The following RHOBTB3 variants were observed in gnomAD, a reference collection of about 807,000 sequenced individuals.
RHOBTB3 encodes the protein Rho related BTB domain containing 3.
Under a neutral mutation model 67.2 loss-of-function variants are expected in RHOBTB3, and 47 were observed. That is an observed-to-expected ratio of 0.70 (90% CI 0.55 to 0.89). The LOEUF (loss-of-function observed/expected upper bound fraction) is 0.89, where lower values mean the gene tolerates loss of function less well. RHOBTB3 is among the 40% of genes least tolerant of loss of function. RHOBTB3 has a pLI of 0.00. For synonymous variants in RHOBTB3, 273 were observed against 274.2 expected (o/e 1.00, Z 0.04); for missense variants, 631 against 750.0 (o/e 0.84, Z 1.85).
intron 7 of RHOBTB3, among the ~76,000 whole-genome samples, chr5:95,765,023 G>A (rs1217774116): frequency 6.6e-6 from 1 of 152,136 alleles, no homozygotes; most frequent in Non-Finnish European, 1.5e-5. Context: ...TTTCAAAACA[G>A]TTCATCTAGT....
At chr5:95,753,004 C>T (rs543794874) in intron 5 of RHOBTB3, among the ~76,000 whole-genome samples, 78 of 152,128 alleles carry the variant, frequency 5.1e-4, no homozygotes, top group South Asian at 3.7e-3. Flanking sequence ...AGGTGGCAGG[C>T]GCCTGTAGTC....
intron 3 of RHOBTB3, among the ~76,000 whole-genome samples, chr5:95,737,337 T>C (rs536241103): frequency 1.3e-5 from 2 of 152,332 alleles, no homozygotes; most frequent in East Asian, 3.9e-4. Context: ...TCAGCAATTG[T>C]ATTATTTTGA....
At chr5:95,743,105 C>T (rs1456072180) in intron 3 of RHOBTB3, among the ~76,000 whole-genome samples, 1 of 151,954 alleles carries the variant, frequency 6.6e-6, no homozygotes, top group Admixed American at 6.5e-5. Flanking sequence ...ATAAAAAAAA[C>T]TCTCAGGATA....
intron 1 of RHOBTB3, among the ~76,000 whole-genome samples, chr5:95,725,679 A>ACT (rs1755032792): frequency 6.6e-6 from 1 of 152,226 alleles, no homozygotes; most frequent in Admixed American, 6.5e-5. Flanking sequence ...AAAATTTACT[A>ACT]CTTGTATAAC....
intron 6 of RHOBTB3, among the ~76,000 whole-genome samples, chr5:95,757,195 A>G (rs1439540058): frequency 6.6e-6 from 1 of 152,184 alleles, no homozygotes; most frequent in Admixed American, 6.5e-5. Context: ...AGTAGCAACT[A>G]TATTTTAAAG....
upstream of RHOBTB3, among the ~76,000 whole-genome samples, chr5:95,726,224 GT>G (rs1222569224): frequency 6.6e-6 from 1 of 152,110 alleles, no homozygotes; most frequent in Non-Finnish European, 1.5e-5. Flanking sequence ...GAATGCAGTT[GT>G]TTTTTTCCAT....
intron 5 of RHOBTB3, among the ~76,000 whole-genome samples, chr5:95,752,719 G>A (rs1745124556): frequency 6.6e-6 from 1 of 152,112 alleles, no homozygotes; most frequent in Non-Finnish European, 1.5e-5. Flanking sequence ...TTGGGACATG[G>A]GTTAAATTTT....
chr5:95,769,671 A>G (rs772517671), intron 8 of RHOBTB3: 31 of 168,226 alleles, frequency 1.8e-4, no homozygotes, highest in Non-Finnish European at 3.3e-4. Context: ...AAATTTTTGC[A>G]TATCTTATTA....
intron 2 of RHOBTB3, among the ~76,000 whole-genome samples, chr5:95,733,357 C>G (rs1256155879): frequency 6.6e-6 from 1 of 152,120 alleles, no homozygotes; most frequent in Admixed American, 6.5e-5. Flanking sequence ...ATCTTACAGC[C>G]TAAAAACATG....
intron 11 of RHOBTB3, chr5:95,789,797 A>C (rs199561092): frequency 9.3e-4 from 141 of 152,302 alleles, no homozygotes; most frequent in African/African-American, 3.3e-3. Flanking sequence ...TATCTGTTTC[A>C]TATCTTGAGT....
Position 95,769,376 on chromosome 5 carries a change from G to T in RHOBTB3, c.1282+1210G>T, listed in dbSNP as rs1336196428. The T allele has an allele frequency of 7.6e-6, 3 of 396,398 alleles. No individual in the cohort carries two copies. In the East Asian group the frequency reaches 2.0e-4, roughly 26 times the overall value. 24.6% of individuals were successfully genotyped at this position (396,398 alleles called of 1,614,324 possible). A position where few individuals can be genotyped will look rare whatever the true frequency, so the allele number is the denominator to read the frequency against. On this transcript the variant is annotated intron_variant, in intron 8 of 11. Coordinates refer to ENST00000379982, the MANE Select transcript of RHOBTB3 (RefSeq NM_014899.4). ...CTGTACTTGCACTCCCTATGGTCAAGAAAGTCTTCGAGAAGATTACCAGAG... is the reference window on the plus strand; with the variant it reads ...CTGTACTTGCACTCCCTATGGTCAATAAAGTCTTCGAGAAGATTACCAGAG...
chr5:95,791,437 T>C (rs1325746828), intron 11 of RHOBTB3, among the ~76,000 whole-genome samples: 1 of 152,232 alleles, frequency 6.6e-6, no homozygotes. Flanking sequence ...TGTTTTGTTT[T>C]GCTGGCTGCC....
chr5:95,726,513 A>C (rs1755056783), upstream of RHOBTB3, among the ~76,000 whole-genome samples: 1 of 152,240 alleles, frequency 6.6e-6, no homozygotes, highest in Admixed American at 6.5e-5. Flanking sequence ...TATAATATGC[A>C]CTTAGGGTGA....
intron 6 of RHOBTB3, among the ~76,000 whole-genome samples, chr5:95,758,934 G>A (rs1745320219): frequency 6.6e-6 from 1 of 152,236 alleles, no homozygotes; most frequent in African/African-American, 2.4e-5. Flanking sequence ...CAGAGGCCCA[G>A]GAAGGCTACC....
chr5:95,783,851 C>A lies in RHOBTB3; in HGVS notation c.1511C>A (p.Ser504Tyr). The A allele has an allele frequency of 6.2e-7, 1 of 1,613,852 alleles. No homozygotes were observed. ...LLICAEMYQVSRLQHICELFI... is the reference protein window; with the variant it reads ...LLICAEMYQVYRLQHICELFI... ...ATCTGTGCCGAGATGTACCAAGTGT[C>A]CAGACTGCAGCACATCTGTGAGCTG... The change falls in exon 10 of 12, where the codon TCC (serine) becomes TAC (tyrosine). Residue 504 changes from serine to tyrosine, a missense_variant. By Grantham distance (144) the Ser-to-Tyr change is moderately radical. Transcript: ENST00000379982.
Position 95,763,590 on chromosome 5 carries a change from A to G in RHOBTB3, c.1131A>G (p.Lys377=), listed in dbSNP as rs548154728. ...DSGDVSNVIE[K]VKCILKTPGK... is the part of the protein sequence containing the mutation. ...GGGATGTTTCAAATGTAATCGAGAA[A>G]GTTAAATGCATTTTAAAAACACCAG... Residue 377 remains lysine (K), a synonymous_variant, in exon 7 of 12, where the codon AAA becomes AAG. Coordinates refer to ENST00000379982, the MANE Select transcript of RHOBTB3 (RefSeq NM_014899.4). The G allele has an allele frequency of 4.4e-6, 7 of 1,608,544 alleles. No individual in the cohort carries two copies. Among genetic ancestry groups the G allele is most frequent in the African/African-American group, 1.3e-5 (1 of 74,918 alleles).
At chr5:95,727,540 T>C (rs1755093750), upstream of RHOBTB3, among the ~76,000 whole-genome samples, 1 of 152,246 alleles carries the variant, frequency 6.6e-6, no homozygotes, top group Non-Finnish European at 1.5e-5. Context: ...GCCACTAAAA[T>C]AGGAAAAAAA....
rs1019070603 is a variant in RHOBTB3 at position 95,747,562 on chromosome 5, T to C, written c.416-771T>C. 2.0e-5 allele frequency among the ~76,000 whole-genome samples: 3 copies of C among 152,318 alleles called. No homozygotes were observed. In the South Asian group the frequency reaches 6.2e-4, roughly 32 times the overall value. ...TGGCTGACAAATATGGAGTTAAACA[T>C]ATATTTTTAGCCTTACTAGGGATGT... On this transcript the variant is annotated intron_variant, in intron 3 of 11. Coordinates refer to ENST00000379982, the MANE Select transcript of RHOBTB3 (RefSeq NM_014899.4).
At chr5:95,775,154 T>C (rs2112822985) in intron 8 of RHOBTB3, among the ~76,000 whole-genome samples, 1 of 152,194 alleles carries the variant, frequency 6.6e-6, no homozygotes, top group Middle Eastern at 3.4e-3. Flanking sequence ...TAAAGTCAAA[T>C]TGCATTCTCT....
Sources: allele counts gnomAD v4.1 joint callset (sites outside exome capture counted in the v4.1 genomes callset), GRCh38; gene constraint gnomAD v4.1.1; transcripts MANE v1.5; gene names NCBI Gene and HGNC (gene_info 2026-07-23, HGNC 2026-07-21).